C6orf89: variants seen among roughly 807,000 people sequenced by gnomAD.
The protein encoded by C6orf89 is chromosome 6 open reading frame 89, also known as bombesin receptor-activated protein C6orf89.
Under a neutral mutation model 40.7 loss-of-function variants are expected in C6orf89, and 29 were observed. That is an observed-to-expected ratio of 0.71 (90% confidence interval 0.53 to 0.97). The LOEUF (loss-of-function observed/expected upper bound fraction) is 0.97, where lower values mean the gene tolerates loss of function less well. Ranked by LOEUF, C6orf89 falls within the 50% of genes least tolerant of loss-of-function variation. C6orf89 has a pLI of 0.00. For synonymous variants in C6orf89, 165 were observed against 152.2 expected (o/e 1.08, Z -0.62); for missense variants, 392 against 429.1 (o/e 0.91, Z 0.76).
In C6orf89 at chr6:36,925,098, C is replaced by T. The variant is rs1762636905; in HGVS notation, c.*1657C>T. 1 of 152,158 alleles carries T rather than the reference C, an allele frequency of 6.6e-6. No individual in the cohort carries two copies. The highest frequency in any genetic ancestry group is 1.5e-5 in the Non-Finnish European group (1 of 68,046). The allele number at this position is 152,158 out of a possible 1,614,324, so 9.4% of individuals were successfully genotyped here. A position where few individuals can be genotyped will look rare whatever the true frequency, so the allele number is the denominator to read the frequency against. On this transcript the variant is annotated 3_prime_UTR_variant, in exon 9 of 9. Transcript: ENST00000480824. ...AATCAACCCCTTGTGTGGATGAATA[C>T]AGGAACAACAAAACTTGTGTACGTA...
chr6:36,913,572 GC>G lies in C6orf89; in HGVS notation c.404-706del, dbSNP rs574675422. ...AGGGGTCACCCTTCTATCCACACCA[GC>G]CCCCCTGTGCTGTAGACGTTTCAGC... On this transcript the variant is annotated intron_variant, in intron 4 of 8. Transcript: ENST00000480824. 9.2e-5 allele frequency among the ~76,000 whole-genome samples: 14 copies of G among 152,290 alleles called. 1 individual carries two copies. The highest frequency in any genetic ancestry group is 3.1e-4 in the African/African-American group (13 of 41,562).
At chr6:36,902,153 T>G (rs1255537314) in intron 3 of C6orf89, 68 bp from the exon 4 acceptor site, 1 of 1,369,334 alleles carries the variant, frequency 7.3e-7, no homozygotes, top group Non-Finnish European at 1.0e-6. Flanking sequence ...CTGTTTTGTT[T>G]TGTTTTTTTT....
chr6:36,876,724 C>CAAAAAAAAA (rs71540176), intron 1 of C6orf89, among the ~76,000 whole-genome samples: 1 of 92,184 alleles, frequency 1.1e-5, no homozygotes, highest in Non-Finnish European at 2.2e-5. Flanking sequence ...AACTCCATCT[C>CAAAAAAAAA]AAAAAAAAAA....
chr6:36,918,122 G>C (rs1159712855), intron 7 of C6orf89, among the ~76,000 whole-genome samples: 2 of 152,218 alleles, frequency 1.3e-5, no homozygotes, highest in African/African-American at 4.8e-5. Flanking sequence ...GTGTCTGTGG[G>C]CCCAGTGTCC....
rs570337117 is a variant in C6orf89 at position 36,911,671 on chromosome 6, C to T, written c.404-2613C>T. Among the ~76,000 whole-genome samples, 17 of 152,156 alleles carry T rather than the reference C, an allele frequency of 1.1e-4. No individual in the cohort carries two copies. In the East Asian group the frequency reaches 2.7e-3, roughly 24 times the overall value. ...GGAAGACTGTCATAATTAACTGATTCTGTTGGAATATGACACGCTACTACA... is the reference window on the plus strand; with the variant it reads ...GGAAGACTGTCATAATTAACTGATTTTGTTGGAATATGACACGCTACTACA... On this transcript the variant is annotated intron_variant, in intron 4 of 8. Transcript: ENST00000480824.
chr6:36,874,889 G>A (rs1774609686), intron 1 of C6orf89: 9 of 1,204,928 alleles, frequency 7.5e-6, no homozygotes, highest in African/African-American at 1.5e-5. Context: ...ACCAGGATTT[G>A]GGTGGCCAAG....
intron 4 of C6orf89, among the ~76,000 whole-genome samples, chr6:36,905,260 G>A (rs1041572692): frequency 1.3e-5 from 2 of 152,158 alleles, no homozygotes; most frequent in South Asian, 2.1e-4. Context: ...TCCCAGGTCT[G>A]GTCACGGAGC....
chr6:36,919,829 T>G lies in C6orf89; in HGVS notation c.949+128T>G, dbSNP rs1188189713. Reference sequence around the variant, plus strand: ...TAGAATCAAAAATAACATTCTCCTGTTAACAGGCTCAATATTTATGCTTAG... The same window carrying G: ...TAGAATCAAAAATAACATTCTCCTGGTAACAGGCTCAATATTTATGCTTAG... On this transcript the variant is annotated intron_variant, in intron 8 of 8. Transcript: ENST00000480824. 6 of 954,352 alleles carry G rather than the reference T, an allele frequency of 6.3e-6. No homozygotes were observed. In the African/African-American group the frequency reaches 9.9e-5, roughly 16 times the overall value. 59.1% of individuals were successfully genotyped at this position (954,352 alleles called of 1,614,324 possible). A position where few individuals can be genotyped will look rare whatever the true frequency, so the allele number is the denominator to read the frequency against.
intron 3 of C6orf89, among the ~76,000 whole-genome samples, chr6:36,899,855 T>G (rs560190454): frequency 6.6e-6 from 1 of 152,346 alleles, no homozygotes; most frequent in South Asian, 2.1e-4. Context: ...TTGTGTAATA[T>G]TATTATTTAA....
chr6:36,901,304 T>G (rs1255178427), intron 3 of C6orf89, among the ~76,000 whole-genome samples: 3 of 68,868 alleles, frequency 4.4e-5, no homozygotes, highest in African/African-American at 2.1e-4. Flanking sequence ...ATTATTATTA[T>G]TATTATTATT....
At chr6:36,905,419 T>C (rs1455013939) in intron 4 of C6orf89, among the ~76,000 whole-genome samples, 1 of 152,238 alleles carries the variant, frequency 6.6e-6, no homozygotes, top group African/African-American at 2.4e-5. Flanking sequence ...CATCAGTTAC[T>C]TTCTCTTAAC....
chr6:36,884,765 A>G (rs1157779499), upstream of C6orf89, among the ~76,000 whole-genome samples: 1 of 152,196 alleles, frequency 6.6e-6, no homozygotes, highest in Non-Finnish European at 1.5e-5. This position sits in a 1 kb window ranked among gnomAD's most constrained non-coding sequence, Gnocchi z 4.0. Context: ...CTAGGCACCA[A>G]CAAACCAAAC....
chr6:36,912,247 C>T (rs1013731157), intron 4 of C6orf89, among the ~76,000 whole-genome samples: 4 of 152,180 alleles, frequency 2.6e-5, no homozygotes, highest in African/African-American at 9.7e-5. Context: ...TTCCTATCAC[C>T]TCTAACTTTC....
intron 1 of C6orf89, among the ~76,000 whole-genome samples, chr6:36,889,582 C>CAAAAAGAA (rs71556976): frequency 1.4e-5 from 2 of 140,468 alleles, no homozygotes; most frequent in African/African-American, 5.2e-5. Context: ...AAAACAAAAA[C>CAAAAAGAA]AAAAAAAAAA....
intron 7 of C6orf89, among the ~76,000 whole-genome samples, chr6:36,917,038 C>T (rs761422914): frequency 6.6e-6 from 1 of 151,880 alleles, no homozygotes; most frequent in African/African-American, 2.4e-5. Context: ...ATAGGGAGAC[C>T]CTATCTCTAT....
intron 1 of C6orf89, among the ~76,000 whole-genome samples, chr6:36,878,513 T>G (rs1030578243): frequency 6.6e-6 from 1 of 152,228 alleles, no homozygotes; most frequent in Admixed American, 6.5e-5. Flanking sequence ...ATGGGGCTAT[T>G]TATGCCATAG....
Position 36,886,019 on chromosome 6 carries a change from A to T in C6orf89, c.-129A>T. The T allele has an allele frequency of 8.0e-7, 1 of 1,256,702 alleles. No homozygotes were observed. The highest frequency in any genetic ancestry group is 1.0e-6 in the Non-Finnish European group (1 of 997,884). The allele number at this position is 1,256,702 out of a possible 1,614,324, so 77.8% of individuals were successfully genotyped here. A position where few individuals can be genotyped will look rare whatever the true frequency, so the allele number is the denominator to read the frequency against. On this transcript the variant is annotated 5_prime_UTR_variant, in exon 1 of 9. Transcript: ENST00000480824. ...AGGCGGGAGGAGCCCGAGGGGCGCG[A>T]GCCCCGCATGTGAGTGACTGGGGCC... is the stretch of plus-strand genomic sequence containing the variant.
intron 1 of C6orf89, among the ~76,000 whole-genome samples, chr6:36,886,396 C>T (rs1774988625): frequency 6.6e-6 from 1 of 152,196 alleles, no homozygotes; most frequent in South Asian, 2.1e-4. Flanking sequence ...GTAGATTCCC[C>T]ACCCCCTTCT....
Position 36,923,516 on chromosome 6 carries a change from G to T in C6orf89, c.*75G>T, listed in dbSNP as rs774062288. 46 of 1,149,504 alleles carry T rather than the reference G, an allele frequency of 4.0e-5. No individual in the cohort carries two copies. Among genetic ancestry groups the T allele is most frequent in the Non-Finnish European group, 5.5e-5 (42 of 769,792 alleles). The allele number at this position is 1,149,504 out of a possible 1,614,324, so 71.2% of individuals were successfully genotyped here. A position where few individuals can be genotyped will look rare whatever the true frequency, so the allele number is the denominator to read the frequency against. On this transcript the variant is annotated 3_prime_UTR_variant, in exon 9 of 9. Coordinates refer to ENST00000480824, the MANE Select transcript of C6orf89 (RefSeq NM_001286635.2). ...AAAGGGGAAAAATAAAAACAAAAAC[G>T]ATGAAACTGCTTTCTGGGGGTTGGT...
Sources: allele counts gnomAD v4.1 joint callset (sites outside exome capture counted in the v4.1 genomes callset), GRCh38; gene constraint gnomAD v4.1.1; non-coding constraint Gnocchi (gnomAD v3.1); transcripts MANE v1.5; gene names NCBI Gene and HGNC (gene_info 2026-07-23, HGNC 2026-07-21).